Variants in AUTS2 observed in about 807,000 individuals in gnomAD.
AUTS2 encodes the protein autism susceptibility gene 2 protein.
A neutral mutation model predicts 112.4 loss-of-function variants in AUTS2; 17 were observed. The ratio of observed to expected loss-of-function variants is 0.15; its 90% CI spans 0.10 to 0.23. AUTS2 has a LOEUF of 0.23. AUTS2 is among the 10% of genes least tolerant of loss of function. AUTS2 has a pLI of 1.00. For synonymous variants in AUTS2, 751 were observed against 702.7 expected (o/e 1.07, Z -1.09); for missense variants, 1,510 against 1,701.6 (o/e 0.89, Z 1.98).
At chr7:70,425,441 A>G (rs1336007376) in intron 4 of AUTS2, among the ~76,000 whole-genome samples, 1 of 152,158 alleles carries the variant, frequency 6.6e-6, no homozygotes, top group African/African-American at 2.4e-5. Flanking sequence ...GCACATGGTG[A>G]TCACCTGAGA....
At chr7:70,137,294 T>G (rs1249309302) in intron 4 of AUTS2, among the ~76,000 whole-genome samples, 2 of 152,188 alleles carry the variant, frequency 1.3e-5, no homozygotes, top group African/African-American at 4.8e-5. Flanking sequence ...TTTTGAATAA[T>G]GTGGGTGTTA....
intron 6 of AUTS2, among the ~76,000 whole-genome samples, chr7:70,741,564 G>A (rs1339522075): frequency 6.6e-6 from 1 of 152,036 alleles, no homozygotes; most frequent in Non-Finnish European, 1.5e-5. Flanking sequence ...GGTGGCACAT[G>A]CCTGTAATCC....
rs183762768 is a variant in AUTS2 at position 69,654,838 on chromosome 7, A to C, written c.309+54876A>C. Among the ~76,000 whole-genome samples, 13 of 152,290 alleles carry C rather than the reference A, an allele frequency of 8.5e-5. 1 individual carries two copies. In the Middle Eastern group the frequency reaches 0.01, roughly 120 times the overall value. On this transcript the variant is annotated intron_variant, in intron 1 of 18. Transcript: ENST00000342771. ...AACTGTGTGTTTTAAAGAACCAGAAAGAAAAATGTTTAGAGGTGGGCTTCT... is the reference window on the plus strand; with the variant it reads ...AACTGTGTGTTTTAAAGAACCAGAACGAAAAATGTTTAGAGGTGGGCTTCT...
chr7:70,325,310 C>T (rs1585019448), intron 4 of AUTS2, among the ~76,000 whole-genome samples: 1 of 151,928 alleles, frequency 6.6e-6, no homozygotes, highest in East Asian at 1.9e-4. Context: ...AGTGACAGAG[C>T]AAGCCCCTGT....
chr7:69,711,877 A>C (rs1036941838), intron 1 of AUTS2, among the ~76,000 whole-genome samples: 4 of 152,242 alleles, frequency 2.6e-5, no homozygotes, highest in African/African-American at 9.6e-5. Context: ...GTTAAAATAC[A>C]ACATAATTAC....
chr7:69,746,615 G>C (rs892720783), intron 1 of AUTS2, among the ~76,000 whole-genome samples: 2 of 152,124 alleles, frequency 1.3e-5, no homozygotes, highest in Admixed American at 1.3e-4. Context: ...TCCTAAGTGG[G>C]TGCTCTTGCC....
chr7:70,315,738 T>C (rs570759747), intron 4 of AUTS2, among the ~76,000 whole-genome samples: 1 of 152,200 alleles, frequency 6.6e-6, no homozygotes, highest in African/African-American at 2.4e-5. Context: ...CTTACCCTCA[T>C]ATCCGGTCGA....
chr7:70,648,017 G>A (rs2129541399), intron 5 of AUTS2, among the ~76,000 whole-genome samples: 1 of 152,272 alleles, frequency 6.6e-6, no homozygotes, highest in Admixed American at 6.5e-5. Context: ...AGTGATGACG[G>A]CATGTACACT....
At chr7:69,784,093 TGACACCGAAC>T (rs1162697488) in intron 1 of AUTS2, among the ~76,000 whole-genome samples, 1 of 152,106 alleles carries the variant, frequency 6.6e-6, no homozygotes, top group Non-Finnish European at 1.5e-5. Flanking sequence ...CTACCCAAAA[TGACACCGAAC>T]GTTGTCTACA....
intron 1 of AUTS2, among the ~76,000 whole-genome samples, chr7:69,891,111 G>A (rs1794500097): frequency 6.6e-6 from 1 of 152,136 alleles, no homozygotes. Flanking sequence ...CACCCCAAAA[G>A]TTTCCTTATG....
intron 2 of AUTS2, among the ~76,000 whole-genome samples, chr7:70,095,576 G>A (rs1804151290): frequency 6.6e-6 from 1 of 152,106 alleles, no homozygotes; most frequent in Admixed American, 6.6e-5. Context: ...TATTATGCTA[G>A]GTGCTGAGGT....
intron 1 of AUTS2, among the ~76,000 whole-genome samples, chr7:69,739,063 G>A (rs1787156530): frequency 6.6e-6 from 1 of 152,142 alleles, no homozygotes; most frequent in Non-Finnish European, 1.5e-5. Context: ...GGGTTGGTTA[G>A]ATGGGTGGAG....
At chr7:69,722,977 A>G (rs563846604) in intron 1 of AUTS2, among the ~76,000 whole-genome samples, 7 of 152,098 alleles carry the variant, frequency 4.6e-5, no homozygotes, top group Admixed American at 2.6e-4. Flanking sequence ...TGTTTTCTAC[A>G]TGTCAAAACA....
intron 5 of AUTS2, among the ~76,000 whole-genome samples, chr7:70,641,327 A>C (rs1366244172): frequency 6.6e-6 from 1 of 152,172 alleles, no homozygotes; most frequent in Non-Finnish European, 1.5e-5. Context: ...AGGCAGGCGG[A>C]TCACAAGGTC....
At position 70,793,312 on chromosome 7, in the gene AUTS2, ATCTGTGGACTCGGTCAG is replaced by A. The variant is rs1192215457; in HGVS notation, c.*2319_*2335del. On this transcript the variant is annotated 3_prime_UTR_variant, in exon 19 of 19. Transcript: ENST00000342771. ...TGCTTGCTCGTTGTATTGCATTTCAATCTGTGGACTCGGTCAGTCATATGTTACTTAAGACCTTCCAG... is the reference window on the plus strand; with the variant it reads ...TGCTTGCTCGTTGTATTGCATTTCAATCATATGTTACTTAAGACCTTCCAG... The A allele has an allele frequency of 1.3e-5, 2 of 152,012 alleles. No homozygotes were observed. Among genetic ancestry groups the A allele is most frequent in the Non-Finnish European group, 2.9e-5 (2 of 68,020 alleles). 9.4% of individuals were successfully genotyped at this position (152,012 alleles called of 1,614,324 possible). A position where few individuals can be genotyped will look rare whatever the true frequency, so the allele number is the denominator to read the frequency against.
chr7:69,628,923 C>A (rs1304950908), intron 1 of AUTS2, among the ~76,000 whole-genome samples: 1 of 152,126 alleles, frequency 6.6e-6, no homozygotes, highest in African/African-American at 2.4e-5. Context: ...TTGCTGAAAT[C>A]AAAAAGAAGT....
intron 2 of AUTS2, among the ~76,000 whole-genome samples, chr7:70,001,151 A>AGTCT (rs1417453722): frequency 3.3e-5 from 5 of 152,088 alleles, no homozygotes. Context: ...TCTCAGACAG[A>AGTCT]GTCTCATTCT....
chr7:69,611,076 C>G (rs544323885), intron 1 of AUTS2, among the ~76,000 whole-genome samples: 140 of 152,260 alleles, frequency 9.2e-4, no homozygotes, highest in African/African-American at 3.3e-3. Context: ...TAAATTTACC[C>G]TTTTTATTTG....
At chr7:70,250,271 G>C (rs1403461259) in intron 4 of AUTS2, among the ~76,000 whole-genome samples, 1 of 152,154 alleles carries the variant, frequency 6.6e-6, no homozygotes, top group East Asian at 1.9e-4. Context: ...TGGTCAGACT[G>C]TCTGGATTTT....
Sources: gnomAD v4.1 joint callset for allele counts (sites outside exome capture counted in the v4.1 genomes callset) on GRCh38, gnomAD v4.1.1 for gene constraint, MANE v1.5 for transcripts, NCBI Gene and HGNC (gene_info 2026-07-23, HGNC 2026-07-21) for gene names.